TENM2: variants seen among roughly 807,000 people sequenced by gnomAD.
TENM2 encodes the protein teneurin-2.
In TENM2, 52 loss-of-function variants were observed where a neutral mutation model predicts 245.2. That is an observed-to-expected ratio of 0.21 (90% CI 0.17 to 0.27). The LOEUF is 0.27. Ranked by LOEUF, TENM2 falls within the 10% of genes least tolerant of loss-of-function variation. TENM2 has a pLI of 1.00. For synonymous variants in TENM2, 1,363 were observed against 1,438.9 expected (o/e 0.95, Z 1.19); for missense variants, 3,046 against 3,666.8 (o/e 0.83, Z 4.37).
the TENM2 span, among the ~76,000 whole-genome samples, chr5:167,239,962 C>T: frequency 1.3e-5 from 2 of 152,240 alleles, no homozygotes; most frequent in Non-Finnish European, 2.9e-5. Flanking sequence ...TTAGTAGAGA[C>T]AGGGTTCTTC....
chr5:168,108,218 G>C (rs1330914976), intron 9 of TENM2, among the ~76,000 whole-genome samples: 1 of 151,904 alleles, frequency 6.6e-6, no homozygotes, highest in Admixed American at 6.5e-5. Context: ...AAAGAAGGAG[G>C]AATGAAAAAA....
intron 7 of TENM2, among the ~76,000 whole-genome samples, chr5:168,078,946 GT>G (rs1251119404): frequency 1.2e-4 from 19 of 152,124 alleles, no homozygotes; most frequent in Non-Finnish European, 2.5e-4. Context: ...CTTTAAAGTA[GT>G]TTTTTCCAAT....
intron 12 of TENM2, among the ~76,000 whole-genome samples, chr5:168,143,870 A>G (rs1309028218): frequency 2.0e-5 from 2 of 100,462 alleles, no homozygotes; most frequent in Non-Finnish European, 3.9e-5. Context: ...TTTTTTTGAG[A>G]CAGAGTTTCT....
chr5:166,995,909 T>A, the TENM2 span, among the ~76,000 whole-genome samples: 9 of 151,074 alleles, frequency 6.0e-5, no homozygotes, highest in African/African-American at 2.2e-4. Flanking sequence ...AAAATACGTG[T>A]TGAGGGAATT....
chr5:168,192,731 A>G (rs1761067443), intron 14 of TENM2, among the ~76,000 whole-genome samples: 1 of 152,202 alleles, frequency 6.6e-6, no homozygotes, highest in Admixed American at 6.5e-5. Context: ...TTCTGTAAGT[A>G]TGCTTCCTTT....
At chr5:167,843,225 G>A (rs1047213810) in intron 2 of TENM2, among the ~76,000 whole-genome samples, 3 of 152,072 alleles carry the variant, frequency 2.0e-5, no homozygotes, top group African/African-American at 4.8e-5. Context: ...CTCGAAATAC[G>A]TTTAAGCCCA....
At chr5:167,723,901 G>A (rs1759808907) in intron 2 of TENM2, among the ~76,000 whole-genome samples, 1 of 152,208 alleles carries the variant, frequency 6.6e-6, no homozygotes, top group African/African-American at 2.4e-5. Context: ...GCTAAGGAAC[G>A]TGAATCTAAT....
intron 2 of TENM2, among the ~76,000 whole-genome samples, chr5:167,403,942 G>A (rs1281212854): frequency 6.7e-6 from 1 of 150,222 alleles, no homozygotes; most frequent in Non-Finnish European, 1.5e-5. Context: ...ATCACCAAAA[G>A]ATTTTCTTTT....
At chr5:167,388,802 A>G (rs1331538753) in intron 2 of TENM2, among the ~76,000 whole-genome samples, 1 of 152,056 alleles carries the variant, frequency 6.6e-6, no homozygotes, top group African/African-American at 2.4e-5. Flanking sequence ...ATGTACTTCC[A>G]TGGTTTTGAG....
chr5:167,078,963 G>A, the TENM2 span, among the ~76,000 whole-genome samples: 3 of 152,032 alleles, frequency 2.0e-5, no homozygotes, highest in Admixed American at 6.6e-5. Context: ...TATGAAAAAC[G>A]TGGGACTCCC....
At chr5:167,215,223 A>C in the TENM2 span, among the ~76,000 whole-genome samples, 1 of 152,178 alleles carries the variant, frequency 6.6e-6, no homozygotes, top group Non-Finnish European at 1.5e-5. Context: ...TTGTGCATGG[A>C]CATCACTTGA....
chr5:167,003,965 A>C, the TENM2 span, among the ~76,000 whole-genome samples: 1 of 152,160 alleles, frequency 6.6e-6, no homozygotes, highest in Non-Finnish European at 1.5e-5. Flanking sequence ...ATCTGTAACA[A>C]AATGTTAATC....
At chr5:167,426,013 C>T (rs748354226) in intron 2 of TENM2, among the ~76,000 whole-genome samples, 1 of 152,000 alleles carries the variant, frequency 6.6e-6, no homozygotes, top group Non-Finnish European at 1.5e-5. Context: ...ATATCACATT[C>T]GTTCTTCTCA....
At chr5:167,569,807 G>A (rs1187071683) in intron 2 of TENM2, among the ~76,000 whole-genome samples, 1 of 152,102 alleles carries the variant, frequency 6.6e-6, no homozygotes, top group Non-Finnish European at 1.5e-5. Flanking sequence ...TTTACAGATG[G>A]GGAGAGCAGG....
chr5:168,176,319 A>G (rs564796185), intron 13 of TENM2, among the ~76,000 whole-genome samples: 1 of 152,212 alleles, frequency 6.6e-6, no homozygotes, highest in South Asian at 2.1e-4. Flanking sequence ...CCCTGCTTCC[A>G]TGCTGATCTC....
intron 6 of TENM2, among the ~76,000 whole-genome samples, chr5:168,052,014 C>T (rs1056299244): frequency 6.6e-6 from 1 of 152,126 alleles, no homozygotes. Context: ...AATCCCAACA[C>T]TTTGGGATGC....
At chr5:168,148,379 A>G (rs183998441) in intron 12 of TENM2, among the ~76,000 whole-genome samples, 2 of 152,362 alleles carry the variant, frequency 1.3e-5, no homozygotes, top group Admixed American at 1.3e-4. Flanking sequence ...ACCATTGTAC[A>G]AGCTTTCAAG....
intron 5 of TENM2, among the ~76,000 whole-genome samples, chr5:168,019,439 G>T (rs752503579): frequency 3.3e-5 from 5 of 152,136 alleles, no homozygotes; most frequent in Non-Finnish European, 5.9e-5. Flanking sequence ...AAGAACAATG[G>T]CAGGGCAGGC....
At chr5:167,030,995 C>T in the TENM2 span, among the ~76,000 whole-genome samples, 1 of 152,162 alleles carries the variant, frequency 6.6e-6, no homozygotes. Context: ...GCGGAGCATG[C>T]CGCTTCCTGG....
Sources: allele counts gnomAD v4.1 joint callset (sites outside exome capture counted in the v4.1 genomes callset), GRCh38; gene constraint gnomAD v4.1.1; transcripts MANE v1.5; gene names NCBI Gene and HGNC (gene_info 2026-07-23, HGNC 2026-07-21).